CARMIL1: variants seen among roughly 807,000 people sequenced by gnomAD.
CARMIL1 encodes F-actin-uncapping protein LRRC16A.
In CARMIL1, 90 loss-of-function variants were observed where a neutral mutation model predicts 177.1. The ratio of observed to expected loss-of-function variants is 0.51; its 90% confidence interval spans 0.43 to 0.61. The LOEUF is 0.61. Ranked by LOEUF, CARMIL1 falls within the 20% of genes least tolerant of loss-of-function variation. The pLI is 0.00. For synonymous variants in CARMIL1, 577 were observed against 606.2 expected, an observed-to-expected ratio of 0.95 and a Z score of 0.71; for missense variants, 1,380 against 1,667.0, an observed-to-expected ratio of 0.83 and a Z score of 3.00.
At chr6:25,428,210 A>C (rs779375365) in intron 4 of CARMIL1, among the ~76,000 whole-genome samples, 3 of 152,156 alleles carry the variant, frequency 2.0e-5, no homozygotes, top group African/African-American at 4.8e-5. Flanking sequence ...GTATAGATCA[A>C]AATTTTTTTT....
At chr6:25,357,427 CA>C (rs1407341429) in intron 2 of CARMIL1, among the ~76,000 whole-genome samples, 1 of 151,930 alleles carries the variant, frequency 6.6e-6, no homozygotes, top group East Asian at 1.9e-4. Context: ...AGTAAAAATG[CA>C]AAAAAATTAG....
In CARMIL1 at chr6:25,554,845, T is replaced by A. The variant is rs912127399; in HGVS notation, c.2592+749T>A. ...TTTTCTTAACTGTGCGGGATGGAGA[T>A]ACCAGTTTTATGGCATTGAATTGTT... On this transcript the variant is annotated intron_variant, in intron 28 of 36. Transcript: ENST00000329474. This position sits in a 1 kb window ranked among gnomAD's most constrained non-coding sequence, Gnocchi z 4.6. Among the ~76,000 whole-genome samples the A allele has an allele frequency of 5.9e-5, 9 of 152,218 alleles. No homozygotes were observed.
chr6:25,296,915 ATCTATCTAT>A (rs1247308355), intron 2 of CARMIL1, among the ~76,000 whole-genome samples: 4 of 35,026 alleles, frequency 1.1e-4, no homozygotes, highest in Non-Finnish European at 1.9e-4. Flanking sequence ...CTATCTATCT[ATCTATCTAT>A]CTATCTATCT....
intron 2 of CARMIL1, among the ~76,000 whole-genome samples, chr6:25,298,910 A>T (rs1246803700): frequency 6.6e-6 from 1 of 151,940 alleles, no homozygotes; most frequent in African/African-American, 2.4e-5. Context: ...GTGTGCCACC[A>T]TGCCCAGCTT....
chr6:25,281,654 G>A (rs1781126201), intron 1 of CARMIL1, among the ~76,000 whole-genome samples: 1 of 151,986 alleles, frequency 6.6e-6, no homozygotes, highest in Admixed American at 6.6e-5. Flanking sequence ...TGATTTTTCT[G>A]GGCCTTTCAG....
intron 1 of CARMIL1, 136 bp downstream of exon 1, chr6:25,279,971 C>T: frequency 2.0e-6 from 2 of 1,014,258 alleles, no homozygotes; most frequent in Non-Finnish European, 3.1e-6. Flanking sequence ...TGGGCAGGGT[C>T]ACTGGGGGTG....
In CARMIL1 at chr6:25,279,576, A is replaced by T. The variant is rs1363843892; in HGVS notation, c.-220A>T. ...CGGGAACTGCGAGGAGGCGTCATGT[A>T]GCAGCAGCAGCAAATCCGCCTCGCA... On this transcript the variant is annotated 5_prime_UTR_variant, in exon 1 of 37. An upstream open reading frame in the 5' UTR loses its in-frame stop. Transcript: ENST00000329474. 8.5e-6 allele frequency: 5 copies of T among 589,548 alleles called. No individual in the cohort carries two copies. The highest frequency in any genetic ancestry group is 1.5e-5 in the Non-Finnish European group (5 of 329,270). The allele number at this position is 589,548 out of a possible 1,614,324, so 36.5% of individuals were successfully genotyped here.
At chr6:25,450,918 TCTCCTCTCC>T (rs1562154983) in intron 8 of CARMIL1, among the ~76,000 whole-genome samples, 514 of 6,600 alleles carry the variant, frequency 0.078, 129 homozygotes, top group African/African-American at 0.18. Context: ...TTCCTTCTCC[TCTCCTCTCC>T]TCTCCTCTCC....
At chr6:25,587,041 GA>G (rs1399811985) in intron 31 of CARMIL1, among the ~76,000 whole-genome samples, 1 of 138,486 alleles carries the variant, frequency 7.2e-6, no homozygotes, top group Non-Finnish European at 1.6e-5. Context: ...TGGGGAAAGG[GA>G]GAGGGAGGGG....
At chr6:25,527,792 T>C (rs995366857) in intron 23 of CARMIL1, 4 of 330,306 alleles carry the variant, frequency 1.2e-5, no homozygotes, top group Non-Finnish European at 1.7e-5. Context: ...TTTAATAGTT[T>C]CTAATTGATA....
At chr6:25,287,019 GTTAC>G (rs1781568739) in intron 2 of CARMIL1, among the ~76,000 whole-genome samples, 1 of 152,194 alleles carries the variant, frequency 6.6e-6, no homozygotes, top group African/African-American at 2.4e-5. Flanking sequence ...CATTGTGGCT[GTTAC>G]TTACTTGCAT....
In CARMIL1 at chr6:25,423,954, G is replaced by A. The variant is rs557174197; in HGVS notation, c.190-2547G>A. Among the ~76,000 whole-genome samples, 3 of 152,198 alleles carry A rather than the reference G, an allele frequency of 2.0e-5. No individual in the cohort carries two copies. In the East Asian group the frequency reaches 5.8e-4, roughly 29 times the overall value. On this transcript the variant is annotated intron_variant, in intron 3 of 36. Transcript: ENST00000329474. ...ACATTCTTTAAACTGTCTTTGGGTG[G>A]GTTGGAGTAGAGTGGATGATGGGTT...
At chr6:25,415,529 C>G (rs1253151987) in intron 2 of CARMIL1, among the ~76,000 whole-genome samples, 1 of 149,476 alleles carries the variant, frequency 6.7e-6, no homozygotes, top group African/African-American at 2.5e-5. Flanking sequence ...CAACAATTGT[C>G]AAAGGATGGA....
chr6:25,542,985 A>AC lies in CARMIL1; in HGVS notation c.2328+2907_2328+2908insC, dbSNP rs1259224519. Among the ~76,000 whole-genome samples the AC allele has an allele frequency of 1.2e-4, 18 of 152,174 alleles. 2 individuals carry two copies. The highest frequency in any genetic ancestry group is 2.9e-5 in the Non-Finnish European group (2 of 68,006). Reference sequence around the variant, plus strand: ...TTTTTCTGTTTCCCACATTCTCTAAAATTAACATGTTAAACTTGCAAGAGC... The same window carrying AC: ...TTTTTCTGTTTCCCACATTCTCTAAACATTAACATGTTAAACTTGCAAGAGC... On this transcript the variant is annotated intron_variant, in intron 26 of 36. Transcript: ENST00000329474.
chr6:25,548,625 C>G (rs1809761250), intron 26 of CARMIL1, among the ~76,000 whole-genome samples: 1 of 152,140 alleles, frequency 6.6e-6, no homozygotes, highest in African/African-American at 2.4e-5. Context: ...CTGCAGTCCT[C>G]TCTTATCTTT....
rs1466562083 is a variant in CARMIL1, at chr6:25,491,799, C to T, written c.1133C>T (p.Ser378Phe). ...VHLDLSNTEC[S>F]LDMVCGALLR... The stretch of plus-strand genomic sequence containing the variant: ...CTGGATTTATCCAATACAGAATGTT[C>T]CCTGGACATGGTAAATTTAAAATAT... The change falls in exon 14 of 37, where the codon TCC becomes TTC. Residue 378 changes from serine (S) to phenylalanine (F), a missense_variant. Coordinates refer to ENST00000329474, the MANE Select transcript of CARMIL1 (RefSeq NM_017640.6). 2 of 1,593,976 alleles carry T rather than the reference C, an allele frequency of 1.3e-6. No individual in the cohort carries two copies. The highest frequency in any genetic ancestry group is 1.7e-6 in the Non-Finnish European group (2 of 1,169,224).
intron 3 of CARMIL1, among the ~76,000 whole-genome samples, chr6:25,423,988 C>T (rs1796081566): frequency 6.6e-6 from 1 of 151,872 alleles, no homozygotes; most frequent in Non-Finnish European, 1.5e-5. Context: ...TTGCGGGGAC[C>T]AGGAGCAAAG....
Position 25,580,904 on chromosome 6 carries a change from A to T in CARMIL1, c.2743-20A>T, listed in dbSNP as rs1181740542. ...CTGTGGCTACCTAAGTGTTTTTTTA[A>T]ATTATTATTTCATTTCTAGATGACC... On this transcript the variant is annotated intron_variant, in intron 29 of 36. Transcript: ENST00000329474. 1.3e-6 allele frequency: 2 copies of T among 1,560,016 alleles called. No homozygotes were observed. Among genetic ancestry groups the T allele is most frequent in the Admixed American group, 1.9e-5 (1 of 53,294 alleles).
intron 2 of CARMIL1, among the ~76,000 whole-genome samples, chr6:25,344,185 C>T (rs1787254479): frequency 6.6e-6 from 1 of 152,144 alleles, no homozygotes; most frequent in Non-Finnish European, 1.5e-5. Flanking sequence ...ACATCCCACT[C>T]TTATCACCAC....
Sources: gnomAD v4.1 joint callset for allele counts (sites outside exome capture counted in the v4.1 genomes callset) on GRCh38, gnomAD v4.1.1 for gene constraint, Gnocchi (gnomAD v3.1) non-coding constraint, MANE v1.5 for transcripts, NCBI Gene and HGNC (gene_info 2026-07-23, HGNC 2026-07-21) for gene names.